TFEC: variants seen among roughly 807,000 people sequenced by gnomAD.
The protein encoded by TFEC is class E basic helix-loop-helix protein 34.
In TFEC, 31 loss-of-function variants were observed where a neutral mutation model predicts 41.6. The observed-to-expected ratio is 0.74, with a 90% confidence interval of 0.56 to 1.01. The LOEUF is 1.01. TFEC is among the 50% of genes least tolerant of loss of function. The probability of loss-of-function intolerance (pLI) is 0.00; values close to 1 mark genes in which losing one functional copy is unlikely to be tolerated. For synonymous variants in TFEC, 143 were observed against 140.6 expected, an observed-to-expected ratio of 1.02 and a Z score of -0.12; for missense variants, 402 against 404.1, an observed-to-expected ratio of 0.99 and a Z score of 0.04.
chr7:116,142,817 T>A (rs1035787785), intron 1 of TFEC, among the ~76,000 whole-genome samples: 1 of 152,044 alleles, frequency 6.6e-6, no homozygotes, highest in Non-Finnish European at 1.5e-5. Flanking sequence ...TATAATAAAT[T>A]CCCCATTTTT....
intron 3 of TFEC, among the ~76,000 whole-genome samples, chr7:116,059,272 C>A (rs1796498633): frequency 6.6e-6 from 1 of 151,728 alleles, no homozygotes; most frequent in Non-Finnish European, 1.5e-5. Flanking sequence ...TTGACAAATT[C>A]TTTAAAAGGT....
At chr7:116,061,434 C>T (rs184659465) in intron 3 of TFEC, among the ~76,000 whole-genome samples, 1 of 152,174 alleles carries the variant, frequency 6.6e-6, no homozygotes, top group Admixed American at 6.6e-5. Flanking sequence ...CCATAACTTG[C>T]ACTATATACA....
intron 3 of TFEC, among the ~76,000 whole-genome samples, chr7:116,091,304 C>CT (rs36080581): frequency 0.29 from 44,590 of 151,854 alleles, 6,955 homozygotes; most frequent in East Asian, 0.47. Context: ...CCTCATTTAG[C>CT]TTTTTTAAAG....
chr7:115,969,996 C>T (rs796794983), intron 3 of TFEC, among the ~76,000 whole-genome samples: 56 of 152,024 alleles, frequency 3.7e-4, no homozygotes, highest in African/African-American at 1.2e-3. Context: ...TTTAAGATAC[C>T]TGTTAGAACC....
In TFEC at chr7:116,143,576, A is replaced by G. The variant is rs140255148; in HGVS notation, c.-69+16214T>C. Among the ~76,000 whole-genome samples, 50 of 152,360 alleles carry G rather than the reference A, an allele frequency of 3.3e-4. 1 individual carries two copies. The highest frequency in any genetic ancestry group is 1.1e-3 in the African/African-American group (46 of 41,588). ...TAGTGAACTGAAATTGCTGAAGTCT[A>G]AATCAAGAAACTGAATAGATGTCTT... On this transcript the variant is annotated intron_variant, in intron 1 of 8. Coordinates refer to the TFEC transcript ENST00000484212.
rs1404791969 is a variant in TFEC at position 115,940,946 on chromosome 7, G to A, written c.664-15C>T. ...ATTTCTAGTTCCTGTAATTTCAAAC[G>A]AAAATCATTAAATAATGTCTTTGAA... is the stretch of plus-strand genomic sequence containing the variant. On this transcript the variant is annotated splice_polypyrimidine_tract_variant and intron_variant, in intron 7 of 7. Coordinates refer to ENST00000265440, the MANE Select transcript of TFEC (RefSeq NM_012252.4). 2.6e-6 allele frequency: 4 copies of A among 1,546,328 alleles called. No individual in the cohort carries two copies. The highest frequency in any genetic ancestry group is 1.4e-5 in the African/African-American group (1 of 72,574).
At chr7:116,047,329 G>C (rs1405761133) in intron 3 of TFEC, among the ~76,000 whole-genome samples, 2 of 152,164 alleles carry the variant, frequency 1.3e-5, no homozygotes, top group African/African-American at 4.8e-5. Context: ...AATGGTCTTA[G>C]CAAACGGCAC....
chr7:116,044,689 G>T (rs1796121067), intron 3 of TFEC, among the ~76,000 whole-genome samples: 1 of 152,194 alleles, frequency 6.6e-6, no homozygotes, highest in Admixed American at 6.5e-5. Context: ...CAGATGCTGG[G>T]TATCATTTTT....
intron 1 of TFEC, among the ~76,000 whole-genome samples, chr7:116,015,636 T>A (rs1266998392): frequency 2.0e-5 from 3 of 152,018 alleles, no homozygotes; most frequent in Non-Finnish European, 4.4e-5. Flanking sequence ...AGAAGACTCG[T>A]GAGCCAAATA....
chr7:116,127,370 A>G (rs1471828459), intron 1 of TFEC, among the ~76,000 whole-genome samples: 1 of 152,120 alleles, frequency 6.6e-6, no homozygotes, highest in African/African-American at 2.4e-5. Context: ...GGCGTGAGCC[A>G]CCGCGCCCAG....
intron 3 of TFEC, among the ~76,000 whole-genome samples, chr7:116,047,362 C>A (rs757049555): frequency 4.6e-5 from 7 of 152,292 alleles, no homozygotes; most frequent in African/African-American, 1.2e-4. Context: ...TATCCTGCAC[C>A]TGGCTCGGAG....
intron 3 of TFEC, among the ~76,000 whole-genome samples, chr7:115,963,810 G>C (rs1175451035): frequency 6.6e-6 from 1 of 151,582 alleles, no homozygotes; most frequent in Non-Finnish European, 1.5e-5. Flanking sequence ...TTTTGTTTGG[G>C]ATATTGATAA....
intron 3 of TFEC, among the ~76,000 whole-genome samples, chr7:116,062,677 A>T (rs1229475645): frequency 1.3e-5 from 2 of 148,968 alleles, no homozygotes; most frequent in Non-Finnish European, 3.0e-5. Flanking sequence ...TGCTGCTATA[A>T]ACATGCGTGT....
intron 1 of TFEC, among the ~76,000 whole-genome samples, chr7:115,998,612 A>G (rs1794462520): frequency 1.3e-5 from 2 of 152,078 alleles, no homozygotes. Flanking sequence ...AGATACACAT[A>G]GAATGAAAAG....
In TFEC at chr7:116,159,348, CG is replaced by C. The variant is rs199731699; in HGVS notation, c.-69+441del. The stretch of plus-strand genomic sequence containing the variant: ...CTTGTGTTTTTCTGAGATGATTAAT[CG>C]ATGCTAGATTAATAAATTCTACATT... On this transcript the variant is annotated intron_variant, in intron 1 of 8. Coordinates refer to the TFEC transcript ENST00000484212. Among the ~76,000 whole-genome samples, 33 of 151,870 alleles carry C rather than the reference CG, an allele frequency of 2.2e-4. 1 individual carries two copies. In the East Asian group the frequency reaches 6.2e-3, roughly 28 times the overall value.
intron 1 of TFEC, among the ~76,000 whole-genome samples, chr7:116,009,391 T>C (rs1009238849): frequency 1.3e-5 from 2 of 152,104 alleles, no homozygotes; most frequent in African/African-American, 4.8e-5. Flanking sequence ...TGTGAAACAT[T>C]CAGAAAATGT....
chr7:115,944,459 C>T (rs907977668), intron 6 of TFEC, among the ~76,000 whole-genome samples: 1 of 151,546 alleles, frequency 6.6e-6, no homozygotes, highest in African/African-American at 2.4e-5. Flanking sequence ...TTTTCTCAAC[C>T]TGTACGTCTC....
chr7:116,029,874 C>T (rs1250684119), intron 1 of TFEC, among the ~76,000 whole-genome samples: 1 of 150,126 alleles, frequency 6.7e-6, no homozygotes, highest in Non-Finnish European at 1.5e-5. Flanking sequence ...GCCTGGCCAA[C>T]ATGGTGAAAC....
At chr7:115,973,461 T>C (rs528781968) in intron 3 of TFEC, among the ~76,000 whole-genome samples, 10 of 152,060 alleles carry the variant, frequency 6.6e-5, no homozygotes, top group African/African-American at 2.4e-4. Context: ...CTCTAAAAGA[T>C]TGTAAACTGT....
Sources: gnomAD v4.1 joint callset for allele counts (sites outside exome capture counted in the v4.1 genomes callset) on GRCh38, gnomAD v4.1.1 for gene constraint, MANE v1.5 for transcripts, NCBI Gene and HGNC (gene_info 2026-07-23, HGNC 2026-07-21) for gene names.